The following AGBL1 variants were observed in gnomAD, a reference collection of about 807,000 sequenced individuals.
AGBL1 encodes the protein AGBL carboxypeptidase 1, also known as cytosolic carboxypeptidase 4.
Under a neutral mutation model 118.9 loss-of-function variants are expected in AGBL1, and 130 were observed. That is an observed-to-expected ratio of 1.09 (90% CI 0.95 to 1.26). AGBL1 has a LOEUF of 1.26. AGBL1 is among the 50% of genes most tolerant of loss of function. The pLI, the probability that AGBL1 is intolerant of heterozygous loss-of-function variation, is 0.00. For missense variants in AGBL1, 1,584 were observed against 1,298.1 expected (o/e 1.22, Z -3.38); for synonymous variants, 555 against 478.9 (o/e 1.16, Z -2.08).
intron 18 of AGBL1, among the ~76,000 whole-genome samples, chr15:86,463,208 A>T (rs1288805489): frequency 6.7e-6 from 1 of 150,106 alleles, no homozygotes; most frequent in Non-Finnish European, 1.5e-5. Context: ...AGCATTTTTT[A>T]TGTGCTTTTT....
chr15:86,091,563 G>A (rs1038809110), intron 1 of AGBL1, among the ~76,000 whole-genome samples: 2 of 152,204 alleles, frequency 1.3e-5, no homozygotes, highest in African/African-American at 4.8e-5. Context: ...TGAGTCATAA[G>A]TTTTTGTTTT....
At chr15:86,345,263 G>A (rs2080519120) in intron 17 of AGBL1, among the ~76,000 whole-genome samples, 1 of 151,686 alleles carries the variant, frequency 6.6e-6, no homozygotes, top group Non-Finnish European at 1.5e-5. Flanking sequence ...TTATTCAAAT[G>A]CCTTGGCTCT....
At chr15:86,929,956 C>T (rs1299697294) in intron 23 of AGBL1, among the ~76,000 whole-genome samples, 2 of 152,110 alleles carry the variant, frequency 1.3e-5, no homozygotes, top group Non-Finnish European at 2.9e-5. Context: ...TTATAAATGC[C>T]CTTTGGCTGG....
intron 18 of AGBL1, among the ~76,000 whole-genome samples, chr15:86,465,461 C>T (rs192527561): frequency 1.1e-3 from 167 of 152,296 alleles, no homozygotes; most frequent in African/African-American, 3.9e-3. Flanking sequence ...AGGGAGATAA[C>T]CATAAATTCT....
At chr15:86,720,262 GT>G (rs2142717513) in intron 22 of AGBL1, among the ~76,000 whole-genome samples, 1 of 152,216 alleles carries the variant, frequency 6.6e-6, no homozygotes, top group Non-Finnish European at 1.5e-5. Flanking sequence ...TTCCTTGTTA[GT>G]TTTTTCACCT....
At chr15:86,637,060 T>C (rs566085111) in intron 21 of AGBL1, among the ~76,000 whole-genome samples, 9 of 152,156 alleles carry the variant, frequency 5.9e-5, no homozygotes, top group African/African-American at 1.9e-4. Flanking sequence ...GTGAAAATTC[T>C]GAAGTATGGG....
intron 24 of AGBL1, among the ~76,000 whole-genome samples, chr15:86,989,765 A>G (rs2081320608): frequency 6.6e-6 from 1 of 152,240 alleles, no homozygotes; most frequent in Admixed American, 6.5e-5. Context: ...AAGATGTTTA[A>G]GAATTTTCTA....
At chr15:86,546,943 T>C (rs200951950) in intron 20 of AGBL1, among the ~76,000 whole-genome samples, 1 of 152,288 alleles carries the variant, frequency 6.6e-6, no homozygotes, top group South Asian at 2.1e-4. Context: ...GTATGCAATT[T>C]ACTATGTGCA....
chr15:86,753,220 A>G (rs972431079), intron 22 of AGBL1, among the ~76,000 whole-genome samples: 1 of 151,850 alleles, frequency 6.6e-6, no homozygotes, highest in Non-Finnish European at 1.5e-5. Context: ...TGTCAGATCC[A>G]TGGTTTTTCT....
chr15:87,008,948 A>G (rs2081531223), intron 24 of AGBL1, among the ~76,000 whole-genome samples: 1 of 152,328 alleles, frequency 6.6e-6, no homozygotes, highest in South Asian at 2.1e-4. Context: ...ATTCAGTTTT[A>G]AAAGGGAAAC....
At chr15:86,724,458 TA>T (rs2086789050) in intron 22 of AGBL1, among the ~76,000 whole-genome samples, 1 of 151,928 alleles carries the variant, frequency 6.6e-6, no homozygotes. Context: ...CTGAGGTGTA[TA>T]GGTGATAGCA....
At chr15:86,270,114 G>T in intron 14 of AGBL1, 47 bp downstream of exon 14, 1 of 1,563,710 alleles carries the variant, frequency 6.4e-7, no homozygotes, top group Non-Finnish European at 8.7e-7. Context: ...TGCCAGGAAT[G>T]ACATTTCTTG....
intron 4 of AGBL1, among the ~76,000 whole-genome samples, chr15:86,155,467 G>T (rs189860286): frequency 6.6e-6 from 1 of 152,142 alleles, no homozygotes; most frequent in Non-Finnish European, 1.5e-5. Flanking sequence ...TAAAAAAAGT[G>T]AAGCGATTGC....
chr15:86,891,196 G>T (rs1264274689), intron 22 of AGBL1, among the ~76,000 whole-genome samples: 1 of 151,988 alleles, frequency 6.6e-6, no homozygotes, highest in East Asian at 1.9e-4. Flanking sequence ...GCCTGTTGTT[G>T]GTGTATAGGA....
chr15:86,856,560 C>T (rs1567209419), intron 22 of AGBL1, among the ~76,000 whole-genome samples: 1 of 152,228 alleles, frequency 6.6e-6, no homozygotes, highest in Non-Finnish European at 1.5e-5. Flanking sequence ...GAAACAGATA[C>T]ATTTCTGGAA....
At chr15:86,280,210 G>T (rs2079328124) in intron 16 of AGBL1, among the ~76,000 whole-genome samples, 1 of 152,028 alleles carries the variant, frequency 6.6e-6, no homozygotes. Context: ...TAGATCTTGG[G>T]AAACTTCTGA....
chr15:86,929,823 T>C (rs1280683137), intron 23 of AGBL1, among the ~76,000 whole-genome samples: 1 of 152,232 alleles, frequency 6.6e-6, no homozygotes, highest in African/African-American at 2.4e-5. Context: ...TGAAGTTCTA[T>C]ATATCATATT....
chr15:86,746,535 A>G (rs1399195372), intron 22 of AGBL1, among the ~76,000 whole-genome samples: 1 of 152,042 alleles, frequency 6.6e-6, no homozygotes. Context: ...CGTGCACATC[A>G]GCCTCCACCG....
In AGBL1 at chr15:86,971,024, C is replaced by A. The variant is rs146805601; in HGVS notation, c.3222-16963C>A. 5.9e-5 allele frequency among the ~76,000 whole-genome samples: 9 copies of A among 152,010 alleles called. No homozygotes were observed. The East Asian group carries it at 1.8e-3, about 30-fold the overall frequency. ...GTGTAGATGATATGCAAATAGTACA[C>A]CATTTTATATAAGAGATTTGTGCAT... On this transcript the variant is annotated intron_variant, in intron 23 of 24. Coordinates refer to the AGBL1 transcript ENST00000441037.
Sources: gnomAD v4.1 joint callset for allele counts (sites outside exome capture counted in the v4.1 genomes callset) on GRCh38, gnomAD v4.1.1 for gene constraint, MANE v1.5 for transcripts, NCBI Gene and HGNC (gene_info 2026-07-23, HGNC 2026-07-21) for gene names.